Variants in JAK2 observed in about 807,000 individuals in gnomAD.
JAK2 encodes the protein Janus kinase 2, also known as tyrosine-protein kinase JAK2.
A neutral mutation model predicts 139.3 loss-of-function variants in JAK2; 86 were observed. The ratio of observed to expected loss-of-function variants is 0.62; its 90% confidence interval spans 0.52 to 0.74. JAK2 has a LOEUF of 0.74. Ranked by LOEUF, JAK2 falls within the 30% of genes least tolerant of loss-of-function variation. The pLI is 0.00. For missense variants in JAK2, 1,421 were observed against 1,360.3 expected (o/e 1.04, Z -0.70); for synonymous variants, 490 against 437.7 (o/e 1.12, Z -1.49).
rs770804060 is a variant in JAK2 at position 5,090,430 on chromosome 9, A to T, written c.2762-16A>T. ...TATGGCAGAGTAAAACATTATTTCCACCTTTATGTTAAAAGGTCGGCGTAA... is the reference window on the plus strand; with the variant it reads ...TATGGCAGAGTAAAACATTATTTCCTCCTTTATGTTAAAAGGTCGGCGTAA... On this transcript the variant is annotated splice_polypyrimidine_tract_variant and intron_variant, in intron 20 of 24. Coordinates refer to ENST00000381652, the MANE Select transcript of JAK2 (RefSeq NM_004972.4). 6.6e-6 allele frequency: 10 copies of T among 1,509,216 alleles called. No individual in the cohort carries two copies. Among genetic ancestry groups the T allele is most frequent in the Non-Finnish European group, 6.2e-6 (7 of 1,120,862 alleles). The allele number at this position is 1,509,216 out of a possible 1,614,324, so 93.5% of individuals were successfully genotyped here. A position where few individuals can be genotyped will look rare whatever the true frequency, so the allele number is the denominator to read the frequency against.
intron 12 of JAK2, 92 bp downstream of exon 12, chr9:5,070,144 T>C (rs1818858634): frequency 1.2e-6 from 1 of 866,874 alleles, no homozygotes; most frequent in Non-Finnish European, 1.7e-6. Flanking sequence ...TGGAATTATT[T>C]TGTTATATAC....
At position 5,029,737 on chromosome 9, in the gene JAK2, TTC is replaced by T. The variant is rs774194613; in HGVS notation, c.227-44_227-43del. On this transcript the variant is annotated intron_variant, in intron 3 of 24. Coordinates refer to ENST00000381652, the MANE Select transcript of JAK2 (RefSeq NM_004972.4). Reference sequence around the variant, plus strand: ...AAATTATAGGTGCTATGTAAAAATATTCTGTTGTGTACCTTTAATAATTCCTT... The same window carrying T: ...AAATTATAGGTGCTATGTAAAAATATTGTTGTGTACCTTTAATAATTCCTT... The T allele has an allele frequency of 4.0e-6, 6 of 1,507,068 alleles. No individual in the cohort carries two copies. In the South Asian group the frequency reaches 5.2e-5, roughly 13 times the overall value. The allele number at this position is 1,507,068 out of a possible 1,614,324, so 93.4% of individuals were successfully genotyped here. A position where few individuals can be genotyped will look rare whatever the true frequency, so the allele number is the denominator to read the frequency against.
intron 3 of JAK2, among the ~76,000 whole-genome samples, chr9:5,025,913 A>G (rs180936825): frequency 5.3e-5 from 8 of 152,318 alleles, no homozygotes; most frequent in East Asian, 3.9e-4. Flanking sequence ...CCATCTGTCT[A>G]TATTTTCAAG....
At chr9:5,060,114 AGC>A (rs1404482013) in intron 8 of JAK2, among the ~76,000 whole-genome samples, 1 of 152,238 alleles carries the variant, frequency 6.6e-6, no homozygotes, top group East Asian at 1.9e-4. Flanking sequence ...AGTGTGCAAC[AGC>A]ATTATGTCTT....
chr9:5,089,886 T>C, intron 20 of JAK2, 23 bp downstream of exon 20: 1 of 1,428,604 alleles, frequency 7.0e-7, no homozygotes, highest in Non-Finnish European at 9.2e-7. Context: ...TTGAAACCTA[T>C]TTTAAATTCA....
intron 4 of JAK2, among the ~76,000 whole-genome samples, chr9:5,031,990 C>T (rs1352133963): frequency 6.6e-6 from 1 of 152,252 alleles, no homozygotes; most frequent in African/African-American, 2.4e-5. Context: ...CGCAAAGGGT[C>T]AGGGAATTCC....
At chr9:5,036,951 G>T (rs1305411265) in intron 4 of JAK2, among the ~76,000 whole-genome samples, 4 of 152,182 alleles carry the variant, frequency 2.6e-5, no homozygotes, top group East Asian at 1.9e-4. Flanking sequence ...GAACATTTTT[G>T]TAATCTACTC....
intron 22 of JAK2, among the ~76,000 whole-genome samples, chr9:5,106,827 C>G (rs1455287066): frequency 6.6e-6 from 1 of 152,138 alleles, no homozygotes; most frequent in Admixed American, 6.5e-5. Flanking sequence ...CATGTTCTCA[C>G]TCATAGGTGG....
rs750734524 is a variant in JAK2, at chr9:5,126,292, A to G, written c.3178-41A>G. The G allele has an allele frequency of 2.1e-6, 3 of 1,404,874 alleles. 1 individual carries two copies. The highest frequency in any genetic ancestry group is 3.0e-6 in the Non-Finnish European group (3 of 1,006,316). The allele number at this position is 1,404,874 out of a possible 1,614,324, so 87.0% of individuals were successfully genotyped here. The stretch of plus-strand genomic sequence containing the variant: ...GAAATTGAGAAAGAATTTTGCTACA[A>G]ATTAAATGTACAAAAAATATTGAAA... On this transcript the variant is annotated intron_variant, in intron 23 of 24. Coordinates refer to ENST00000381652, the MANE Select transcript of JAK2 (RefSeq NM_004972.4).
At chr9:5,083,467 T>G (rs1282538867) in intron 19 of JAK2, among the ~76,000 whole-genome samples, 1 of 152,224 alleles carries the variant, frequency 6.6e-6, no homozygotes, top group Admixed American at 6.5e-5. Flanking sequence ...TCCTGAAATA[T>G]CTCCAGATGT....
intron 2 of JAK2, among the ~76,000 whole-genome samples, chr9:5,000,708 C>T (rs76045732): frequency 0.084 from 12,766 of 151,928 alleles, 1,553 homozygotes; most frequent in African/African-American, 0.28. Context: ...GTAATTTCTC[C>T]GGTGTCTTAA....
rs138377429 is a variant in JAK2 at position 5,069,087 on chromosome 9, C to G, written c.1392C>G (p.Leu464=). Reference sequence around the variant, plus strand: ...AAAATGAGAATGAAGAGTACAACCTCAGTGGGACAAAGAAGAACTTCAGCA... The same window carrying G: ...AAAATGAGAATGAAGAGTACAACCTGAGTGGGACAAAGAAGAACTTCAGCA... ...ITKNENEEYN[L]SGTKKNFSSL... The change falls in exon 11 of 25, where the codon CTC becomes CTG. Residue 464 remains leucine, a synonymous_variant. Transcript: ENST00000381652. 4 of 1,611,080 alleles carry G rather than the reference C, an allele frequency of 2.5e-6. No individual in the cohort carries two copies. The highest frequency in any genetic ancestry group is 3.4e-6 in the Non-Finnish European group (4 of 1,177,884).
At chr9:5,040,033 G>A (rs1354586627) in intron 4 of JAK2, among the ~76,000 whole-genome samples, 2 of 152,132 alleles carry the variant, frequency 1.3e-5, no homozygotes, top group Non-Finnish European at 2.9e-5. Flanking sequence ...AAAGTTTGAA[G>A]ACTTATACTT....
chr9:5,111,118 G>C, intron 22 of JAK2: 1 of 1,203,640 alleles, frequency 8.3e-7, no homozygotes, highest in Non-Finnish European at 1.2e-6. Flanking sequence ...CTCCTCCTTT[G>C]ACCCCAGCTG....
At position 5,123,124 on chromosome 9, in the gene JAK2, C is replaced by G; in HGVS notation, c.3177+3C>G. The G allele has an allele frequency of 1.9e-6, 3 of 1,553,258 alleles. No homozygotes were observed. Among genetic ancestry groups the G allele is most frequent in the Non-Finnish European group, 2.6e-6 (3 of 1,137,682 alleles). Reference sequence around the variant, plus strand: ...AGAAGAGTAAAAGTCCACCAGCGGTCAGTGTGCTTTTTATTTACTTTCAGT... The same window carrying G: ...AGAAGAGTAAAAGTCCACCAGCGGTGAGTGTGCTTTTTATTTACTTTCAGT... On this transcript the variant is annotated splice_donor_region_variant and intron_variant, in intron 23 of 24. Coordinates refer to ENST00000381652, the MANE Select transcript of JAK2 (RefSeq NM_004972.4).
intron 3 of JAK2, among the ~76,000 whole-genome samples, chr9:5,023,174 A>C (rs996377806): frequency 2.0e-5 from 3 of 152,026 alleles, no homozygotes; most frequent in African/African-American, 7.2e-5. Context: ...CACCCATATA[A>C]CCTTGCCAGT....
chr9:5,084,980 G>A, intron 19 of JAK2: 2 of 789,822 alleles, frequency 2.5e-6, no homozygotes, highest in Non-Finnish European at 2.1e-6. Context: ...CTGCCAGAAA[G>A]AACAGAAAGA....
intron 4 of JAK2, among the ~76,000 whole-genome samples, chr9:5,036,175 T>G (rs1414400928): frequency 6.6e-6 from 1 of 152,162 alleles, no homozygotes; most frequent in Non-Finnish European, 1.5e-5. Context: ...ACAAGGGATG[T>G]GAAGGACCTC....
intron 2 of JAK2, among the ~76,000 whole-genome samples, chr9:5,011,341 A>G (rs557274490): frequency 2.6e-5 from 4 of 152,154 alleles, no homozygotes; most frequent in Admixed American, 1.3e-4. Context: ...ACAGAGCACC[A>G]TGCCCAGCAA....
Sources: gnomAD v4.1 joint callset for allele counts (sites outside exome capture counted in the v4.1 genomes callset) on GRCh38, gnomAD v4.1.1 for gene constraint, MANE v1.5 for transcripts, NCBI Gene and HGNC (gene_info 2026-07-23, HGNC 2026-07-21) for gene names.